The following TRANK1 variants were observed in gnomAD, a reference collection of about 807,000 sequenced individuals.
TRANK1 encodes TPR and ankyrin repeat-containing protein 1.
In TRANK1, 198 loss-of-function variants were observed where a neutral mutation model predicts 266.0. The ratio of observed to expected loss-of-function variants is 0.74; its 90% confidence interval spans 0.66 to 0.84. The LOEUF (loss-of-function observed/expected upper bound fraction) is 0.84, where lower values mean the gene tolerates loss of function less well. TRANK1 is among the 40% of genes least tolerant of loss of function. The pLI, the probability that TRANK1 is intolerant of heterozygous loss-of-function variation, is 0.00. For missense variants in TRANK1, 3,326 were observed against 3,634.6 expected, an observed-to-expected ratio of 0.92 and a Z score of 2.18; for synonymous variants, 1,396 against 1,384.1, an observed-to-expected ratio of 1.01 and a Z score of -0.19.
chr3:36,906,070 C>T (rs1270657691), intron 2 of TRANK1, among the ~76,000 whole-genome samples: 1 of 152,202 alleles, frequency 6.6e-6, no homozygotes, highest in African/African-American at 2.4e-5. Flanking sequence ...ATAAACACTA[C>T]ACAATACTAC....
chr3:36,914,763 T>A (rs992630863), intron 1 of TRANK1, among the ~76,000 whole-genome samples: 9 of 151,396 alleles, frequency 5.9e-5, no homozygotes, highest in African/African-American at 2.2e-4. Context: ...TTAGCTTCCC[T>A]AGTAGCTGCT....
intron 8 of TRANK1, among the ~76,000 whole-genome samples, chr3:36,881,407 C>T (rs1264575907): frequency 6.6e-6 from 1 of 151,868 alleles, no homozygotes; most frequent in East Asian, 1.9e-4. Context: ...AGAGATCGCA[C>T]CACTGCACTC....
chr3:36,927,031 T>C (rs531607017), intron 1 of TRANK1, among the ~76,000 whole-genome samples: 2 of 152,346 alleles, frequency 1.3e-5, no homozygotes, highest in Admixed American at 6.5e-5. Context: ...AAAATGTTAC[T>C]GCAGCAAGGG....
rs1024564622 is a variant in TRANK1 at position 36,850,204 on chromosome 3, A to G, written c.4887+1515T>C. Reference sequence around the variant, plus strand: ...TCCAACCATGACCGATGGATGTATCATTAGAAAAAAAAGTTAGTCCTCAGA... The same window carrying G: ...TCCAACCATGACCGATGGATGTATCGTTAGAAAAAAAAGTTAGTCCTCAGA... On this transcript the variant is annotated intron_variant, in intron 15 of 23. Coordinates refer to ENST00000645898, the MANE Select transcript of TRANK1 (RefSeq NM_001329998.2). 4 of 985,332 alleles carry G rather than the reference A, an allele frequency of 4.1e-6. No homozygotes were observed. In the African/African-American group the frequency reaches 7.0e-5, roughly 17 times the overall value. 61.0% of individuals were successfully genotyped at this position (985,332 alleles called of 1,614,324 possible).
At chr3:36,931,168 G>T (rs986218772) in intron 1 of TRANK1, among the ~76,000 whole-genome samples, 2 of 151,980 alleles carry the variant, frequency 1.3e-5, no homozygotes, top group Non-Finnish European at 2.9e-5. Flanking sequence ...TCATGTTGCT[G>T]TAATAATAAA....
intron 16 of TRANK1, 102 bp from the exon 17 acceptor site, chr3:36,846,506 T>A: frequency 8.2e-7 from 1 of 1,212,140 alleles, no homozygotes; most frequent in Non-Finnish European, 1.1e-6. Flanking sequence ...ACACAAAAAC[T>A]AAATTTTAGA....
intron 1 of TRANK1, among the ~76,000 whole-genome samples, chr3:36,933,594 C>T (rs2080388321): frequency 6.6e-6 from 1 of 152,206 alleles, no homozygotes; most frequent in Non-Finnish European, 1.5e-5. Flanking sequence ...TGTCACCTGC[C>T]ATTTCTGGGT....
chr3:36,908,685 T>C (rs910115315), intron 1 of TRANK1: 1 of 956,506 alleles, frequency 1.0e-6, no homozygotes, highest in African/African-American at 1.8e-5. Flanking sequence ...ACCAATTCCA[T>C]TTATTCAGCA....
chr3:36,903,153 ACGTAGGT>A lies in TRANK1; in HGVS notation c.271_277del (p.Thr91Ter). The A allele has an allele frequency of 3.3e-6, 5 of 1,537,030 alleles. No individual in the cohort carries two copies. The highest frequency in any genetic ancestry group is 4.4e-6 in the Non-Finnish European group (5 of 1,146,816). ...CTTCACCCTCCCACCCCATACCTTC[ACGTAGGT>A]TGGATCCCATTGGAGACATTCCTTG... On this transcript the variant is annotated frameshift_variant, in exon 3 of 24. Coordinates refer to ENST00000645898, the MANE Select transcript of TRANK1 (RefSeq NM_001329998.2). LOFTEE classifies it high-confidence loss of function.
chr3:36,845,411 C>A (rs2078901677), intron 17 of TRANK1, among the ~76,000 whole-genome samples: 1 of 152,248 alleles, frequency 6.6e-6, no homozygotes, highest in Admixed American at 6.5e-5. Flanking sequence ...TTCAGACAAC[C>A]TGTTAACTCA....
intron 1 of TRANK1, among the ~76,000 whole-genome samples, chr3:36,924,596 A>T (rs967433780): frequency 2.6e-5 from 4 of 152,180 alleles, no homozygotes; most frequent in African/African-American, 7.2e-5. Context: ...TTTTATAACC[A>T]AGAGCAGAAT....
chr3:36,831,102 G>A lies in TRANK1; in HGVS notation c.8481C>T (p.His2827=), dbSNP rs2078687165. Residue 2827 remains histidine, a synonymous_variant, in exon 22 of 24, where the codon CAC becomes CAT. Transcript: ENST00000645898. This position sits in a 1 kb window ranked among gnomAD's most constrained non-coding sequence, Gnocchi z 5.0. ...TCTGGTAGGCCACTTGCTGCCTCTG[G>A]TGGTGTTCTAGATGGATATGCTGCT... ...SYEQHIHLEH[H]QRQQVAYQKY... is the part of the protein sequence containing the mutation. The A allele has an allele frequency of 6.2e-7, 1 of 1,613,976 alleles. No individual in the cohort carries two copies. The highest frequency in any genetic ancestry group is 8.5e-7 in the Non-Finnish European group (1 of 1,179,904).
At chr3:36,860,862 G>C (rs935626973) in intron 11 of TRANK1, 44 bp downstream of exon 11, 1 of 1,531,512 alleles carries the variant, frequency 6.5e-7, no homozygotes, top group African/African-American at 1.4e-5. Context: ...ATCACGTGGA[G>C]AATGTGGACA....
At chr3:36,839,480 C>T (rs889290732) in intron 18 of TRANK1, among the ~76,000 whole-genome samples, 19 of 152,208 alleles carry the variant, frequency 1.2e-4, no homozygotes, top group Admixed American at 1.2e-3. Context: ...TGATCACTCT[C>T]CCCTTCATGC....
intron 2 of TRANK1, 127 bp from the exon 3 acceptor site, chr3:36,903,402 C>T (rs2079913411): frequency 8.4e-7 from 1 of 1,196,560 alleles, no homozygotes; most frequent in Non-Finnish European, 1.1e-6. Context: ...CTCATTCATG[C>T]TTATCAGATC....
intron 1 of TRANK1, among the ~76,000 whole-genome samples, chr3:36,920,285 T>C (rs1201342113): frequency 6.6e-6 from 1 of 152,186 alleles, no homozygotes; most frequent in Non-Finnish European, 1.5e-5. Context: ...ACTCTACCCA[T>C]TTGGCTACAG....
Position 36,864,418 on chromosome 3 carries a change from G to T in TRANK1, c.1141C>A (p.Leu381Met), listed in dbSNP as rs2079185380. The change falls in exon 10 of 24, where the codon CTG (leucine) becomes ATG (methionine). Residue 381 changes from leucine (L) to methionine (M), a missense_variant. Leu to Met is a conservative substitution (Grantham distance 15). Transcript: ENST00000645898. ...NDIFRKVLEQ[L>M]VKYMNSGNRL... ...TTTCCTGAGTTCATATACTTCACCA[G>T]CTGCTCCAAGACCTTCCTGAAAATG... 6.5e-7 allele frequency: 1 copy of T among 1,536,680 alleles called. No individual in the cohort carries two copies. The highest frequency in any genetic ancestry group is 8.7e-7 in the Non-Finnish European group (1 of 1,146,714).
intron 9 of TRANK1, among the ~76,000 whole-genome samples, chr3:36,866,343 A>T (rs890897919): frequency 3.9e-5 from 6 of 152,208 alleles, no homozygotes; most frequent in African/African-American, 1.2e-4. Context: ...TTTAAAAGAG[A>T]CAGCCTATTT....
intron 22 of TRANK1, among the ~76,000 whole-genome samples, chr3:36,830,435 T>C (rs757308374): frequency 1.3e-5 from 2 of 152,306 alleles, no homozygotes; most frequent in Admixed American, 1.3e-4. Flanking sequence ...CTAGACCAGC[T>C]ACACACTTCC....
Sources: allele counts gnomAD v4.1 joint callset (sites outside exome capture counted in the v4.1 genomes callset), GRCh38; gene constraint gnomAD v4.1.1; non-coding constraint Gnocchi (gnomAD v3.1); transcripts MANE v1.5; gene names NCBI Gene and HGNC (gene_info 2026-07-23, HGNC 2026-07-21).